GALNT2: variants seen among roughly 807,000 people sequenced by gnomAD.
GALNT2 encodes UDP-GalNAc:polypeptide N-acetylgalactosaminyltransferase 2.
A neutral mutation model predicts 81.4 loss-of-function variants in GALNT2; 31 were observed. The ratio of observed to expected loss-of-function variants is 0.38; its 90% confidence interval spans 0.29 to 0.51. GALNT2 has a LOEUF of 0.51. Ranked by LOEUF, GALNT2 falls within the 20% of genes least tolerant of loss-of-function variation. The pLI is 0.87. For synonymous variants in GALNT2, 303 were observed against 287.4 expected (o/e 1.05, Z -0.55); for missense variants, 629 against 765.7 (o/e 0.82, Z 2.11).
chr1:230,276,154 T>C (rs1246179406), intron 15 of GALNT2, among the ~76,000 whole-genome samples: 4 of 151,994 alleles, frequency 2.6e-5, no homozygotes, highest in African/African-American at 9.7e-5. Flanking sequence ...ACACCACATA[T>C]ATATACATAT....
chr1:230,090,668 T>A (rs1410721744), intron 1 of GALNT2, among the ~76,000 whole-genome samples: 1 of 152,240 alleles, frequency 6.6e-6, no homozygotes, highest in Non-Finnish European at 1.5e-5. Flanking sequence ...AAGTTGAAGG[T>A]TTCTATCTGT....
chr1:230,114,198 T>C, intron 1 of GALNT2, among the ~76,000 whole-genome samples: 1 of 152,156 alleles, frequency 6.6e-6, no homozygotes, highest in East Asian at 1.9e-4. Flanking sequence ...CTGGCCACAT[T>C]CAGGGTCAGG....
intron 6 of GALNT2, among the ~76,000 whole-genome samples, chr1:230,237,198 CT>C (rs759639734): frequency 1.3e-5 from 2 of 152,202 alleles, no homozygotes; most frequent in Non-Finnish European, 2.9e-5. Flanking sequence ...ACCTCGGAAC[CT>C]TCTGTCAGTC....
intron 15 of GALNT2, among the ~76,000 whole-genome samples, chr1:230,277,550 G>A (rs1666333641): frequency 6.6e-6 from 1 of 152,192 alleles, no homozygotes; most frequent in African/African-American, 2.4e-5. Flanking sequence ...CGAGGGAGCT[G>A]GAAATGAAAG....
At chr1:230,245,909 G>A (rs561271461) in intron 7 of GALNT2, among the ~76,000 whole-genome samples, 154 bp from the exon 8 acceptor site, 76 of 152,326 alleles carry the variant, frequency 5.0e-4, no homozygotes, top group Middle Eastern at 3.4e-3. Flanking sequence ...TCTGGGTCTG[G>A]GTGGGGAGGC....
chr1:230,124,745 C>T (rs1661121733), intron 1 of GALNT2, among the ~76,000 whole-genome samples: 1 of 152,192 alleles, frequency 6.6e-6, no homozygotes, highest in South Asian at 2.1e-4. Flanking sequence ...AATTCAGCAA[C>T]CAAAATGGAG....
intron 7 of GALNT2, among the ~76,000 whole-genome samples, chr1:230,244,036 C>G (rs1342205019): frequency 6.6e-6 from 1 of 151,788 alleles, no homozygotes; most frequent in African/African-American, 2.4e-5. Context: ...TTTTTCACTT[C>G]TCTCGCCTTC....
chr1:230,196,849 G>A (rs1281454847), intron 2 of GALNT2, among the ~76,000 whole-genome samples: 2 of 152,180 alleles, frequency 1.3e-5, no homozygotes, highest in East Asian at 3.9e-4. Flanking sequence ...GCATGCACAG[G>A]TGAGGGGCAG....
intron 1 of GALNT2, among the ~76,000 whole-genome samples, chr1:230,111,211 T>C (rs904109504): frequency 1.3e-5 from 2 of 152,234 alleles, no homozygotes; most frequent in African/African-American, 4.8e-5. Flanking sequence ...CATGTACATG[T>C]GCGTACCATG....
At chr1:230,066,156 T>C (rs1659168530), upstream of GALNT2, among the ~76,000 whole-genome samples, 1 of 152,250 alleles carries the variant, frequency 6.6e-6, no homozygotes, top group South Asian at 2.1e-4. Context: ...GGGTACGGAC[T>C]TATATCAGGC....
intron 1 of GALNT2, among the ~76,000 whole-genome samples, chr1:230,120,458 TA>T (rs1660981410): frequency 1.3e-5 from 2 of 152,162 alleles, no homozygotes; most frequent in South Asian, 4.2e-4. Flanking sequence ...CCTGCCAAAC[TA>T]CAAACCCTCT....
intron 9 of GALNT2, 76 bp from the exon 10 acceptor site, chr1:230,250,381 T>G (rs1665506397): frequency 9.3e-7 from 1 of 1,079,002 alleles, no homozygotes; most frequent in African/African-American, 1.5e-5. Flanking sequence ...AGGCTTGGCC[T>G]TGGCGCAAGG....
intron 3 of GALNT2, among the ~76,000 whole-genome samples, chr1:230,230,714 T>C (rs1664841864): frequency 6.6e-6 from 1 of 152,240 alleles, no homozygotes; most frequent in Non-Finnish European, 1.5e-5. Context: ...ATCTCTTCCG[T>C]GATAGAATCC....
intron 3 of GALNT2, among the ~76,000 whole-genome samples, chr1:230,215,596 A>C (rs534338214): frequency 3.3e-5 from 5 of 152,318 alleles, no homozygotes; most frequent in African/African-American, 1.2e-4. Context: ...CAGTTTATAA[A>C]TTTTGCCCTG....
intron 9 of GALNT2, among the ~76,000 whole-genome samples, chr1:230,249,740 C>T (rs1449581154): frequency 6.6e-6 from 1 of 152,206 alleles, no homozygotes; most frequent in Non-Finnish European, 1.5e-5. Context: ...AGGATGCCTT[C>T]TCTAGCTGGG....
chr1:230,136,138 C>T (rs991239413), intron 1 of GALNT2, among the ~76,000 whole-genome samples: 8 of 152,194 alleles, frequency 5.3e-5, no homozygotes, highest in South Asian at 2.1e-4. Context: ...ACTTAGTCAG[C>T]GTCACCTCCT....
intron 1 of GALNT2, among the ~76,000 whole-genome samples, chr1:230,153,299 C>T (rs191306976): frequency 6.6e-6 from 1 of 152,162 alleles, no homozygotes; most frequent in Admixed American, 6.5e-5. Context: ...ATGCCTGAGA[C>T]AAACTCAGAT....
intron 1 of GALNT2, among the ~76,000 whole-genome samples, chr1:230,151,166 G>A (rs1447881525): frequency 5.9e-5 from 9 of 152,148 alleles, no homozygotes; most frequent in Non-Finnish European, 8.8e-5. Flanking sequence ...TACAGTTGAC[G>A]ATCACCGTGG....
chr1:230,147,996 CTA>C (rs1270378502), intron 1 of GALNT2, among the ~76,000 whole-genome samples: 2 of 152,346 alleles, frequency 1.3e-5, no homozygotes, highest in African/African-American at 4.8e-5. Context: ...GTTTCCTAAA[CTA>C]TGATCACTCA....
Sources: gnomAD v4.1 joint callset for allele counts (sites outside exome capture counted in the v4.1 genomes callset) on GRCh38, gnomAD v4.1.1 for gene constraint, MANE v1.5 for transcripts, NCBI Gene and HGNC (gene_info 2026-07-23, HGNC 2026-07-21) for gene names.